The following FHIT variants were observed in gnomAD, a reference collection of about 807,000 sequenced individuals.
FHIT encodes the protein bis(5'-adenosyl)-triphosphatase.
In FHIT, 19 loss-of-function variants were observed where a neutral mutation model predicts 17.9. That is an observed-to-expected ratio of 1.06 (90% CI 0.74 to 1.56). FHIT has a LOEUF of 1.56. Among genes scored for constraint, FHIT ranks in the 40% most tolerant of loss-of-function variants. The pLI, the probability that FHIT is intolerant of heterozygous loss-of-function variation, is 0.00. For synonymous variants in FHIT, 81 were observed against 69.7 expected, an observed-to-expected ratio of 1.16 and a Z score of -0.81; for missense variants, 248 against 189.2, an observed-to-expected ratio of 1.31 and a Z score of -1.82.
chr3:60,439,974 T>C (rs1179190286), intron 5 of FHIT, among the ~76,000 whole-genome samples: 1 of 152,076 alleles, frequency 6.6e-6, no homozygotes, highest in Non-Finnish European at 1.5e-5. Flanking sequence ...TCTCACCATT[T>C]ACTGAGGTAC....
chr3:60,888,499 C>G (rs6772360), intron 3 of FHIT, among the ~76,000 whole-genome samples: 1 of 150,066 alleles, frequency 6.7e-6, no homozygotes, highest in Non-Finnish European at 1.5e-5. Context: ...AATTTTCTTT[C>G]TAAGAAAAAA....
chr3:60,495,246 T>A (rs1298913084), intron 5 of FHIT, among the ~76,000 whole-genome samples: 1 of 152,120 alleles, frequency 6.6e-6, no homozygotes. Flanking sequence ...CCTTTTCATA[T>A]GCCTGTTAGC....
chr3:59,813,369 G>T (rs560248710), intron 8 of FHIT, among the ~76,000 whole-genome samples: 2 of 152,264 alleles, frequency 1.3e-5, no homozygotes, highest in African/African-American at 2.4e-5. Context: ...TCTCGATAAG[G>T]TTCGCCTGAG....
chr3:60,644,955 G>A (rs1189415111), intron 4 of FHIT, among the ~76,000 whole-genome samples: 1 of 152,052 alleles, frequency 6.6e-6, no homozygotes, highest in Non-Finnish European at 1.5e-5. Flanking sequence ...TCTGGGCCTG[G>A]CAGATAGTTA....
chr3:60,405,618 C>T (rs1045775298), intron 5 of FHIT, among the ~76,000 whole-genome samples: 1 of 152,176 alleles, frequency 6.6e-6, no homozygotes, highest in African/African-American at 2.4e-5. Flanking sequence ...AGGTAGAGTG[C>T]CCCAAGAGAA....
intron 4 of FHIT, chr3:60,537,526 G>A: frequency 1.1e-6 from 1 of 905,512 alleles, no homozygotes; most frequent in Non-Finnish European, 1.3e-6. Flanking sequence ...CAAAATAAAG[G>A]AGAAAAAAAA....
chr3:60,919,514 G>A lies in FHIT; in HGVS notation c.-110-97503C>T, dbSNP rs150457833. 8.6e-5 allele frequency among the ~76,000 whole-genome samples: 13 copies of A among 151,984 alleles called. No individual in the cohort carries two copies. The East Asian group carries it at 2.5e-3, about 29-fold the overall frequency. ...GAAATGCTTAGAAAGTGTATTCATGGTGTGGAGAAACCAAGGATTAATGCA... is the reference window on the plus strand; with the variant it reads ...GAAATGCTTAGAAAGTGTATTCATGATGTGGAGAAACCAAGGATTAATGCA... On this transcript the variant is annotated intron_variant, in intron 3 of 9. Transcript: ENST00000492590.
intron 7 of FHIT, among the ~76,000 whole-genome samples, chr3:59,974,853 A>G (rs1708341159): frequency 6.6e-6 from 1 of 151,966 alleles, no homozygotes; most frequent in African/African-American, 2.4e-5. Context: ...TTCTACACCA[A>G]CTCCAGACCT....
chr3:61,051,491 T>C (rs1313190811), intron 2 of FHIT, among the ~76,000 whole-genome samples: 1 of 152,062 alleles, frequency 6.6e-6, no homozygotes, highest in East Asian at 1.9e-4. Context: ...TCAAGCCATC[T>C]GCTCACCTCA....
At chr3:60,964,388 T>A (rs1164553505) in intron 3 of FHIT, among the ~76,000 whole-genome samples, 1 of 152,172 alleles carries the variant, frequency 6.6e-6, no homozygotes, top group Non-Finnish European at 1.5e-5. Context: ...CTTTATCCAA[T>A]TTGCCAGTCT....
intron 4 of FHIT, among the ~76,000 whole-genome samples, chr3:60,718,427 T>C (rs2041736142): frequency 6.6e-6 from 1 of 152,166 alleles, no homozygotes; most frequent in African/African-American, 2.4e-5. Flanking sequence ...AACTCACCCC[T>C]TCCAGACAAC....
At chr3:60,660,521 T>C (rs956204813) in intron 4 of FHIT, among the ~76,000 whole-genome samples, 2 of 152,062 alleles carry the variant, frequency 1.3e-5, no homozygotes, top group Middle Eastern at 3.2e-3. Flanking sequence ...AGTTCTAAAA[T>C]AGTTACATCA....
At chr3:60,999,295 A>G (rs958689028) in intron 3 of FHIT, among the ~76,000 whole-genome samples, 1 of 152,068 alleles carries the variant, frequency 6.6e-6, no homozygotes, top group Non-Finnish European at 1.5e-5. Context: ...TTTCTGAAAC[A>G]ATAATCTACA....
intron 2 of FHIT, among the ~76,000 whole-genome samples, chr3:61,172,051 T>C (rs1236277481): frequency 6.6e-6 from 1 of 152,196 alleles, no homozygotes; most frequent in Non-Finnish European, 1.5e-5. Context: ...ACCTAAAGTT[T>C]CATGTCAATC....
chr3:59,862,079 A>C (rs1358183050), intron 8 of FHIT, among the ~76,000 whole-genome samples: 2 of 152,142 alleles, frequency 1.3e-5, no homozygotes, highest in East Asian at 3.9e-4. Context: ...GCAAAACTGT[A>C]CTAGTTCATT....
At chr3:60,269,322 T>A (rs1706749034) in intron 5 of FHIT, among the ~76,000 whole-genome samples, 1 of 152,172 alleles carries the variant, frequency 6.6e-6, no homozygotes, top group African/African-American at 2.4e-5. Context: ...ATCACTGGAG[T>A]TTTCCTGTCC....
intron 2 of FHIT, among the ~76,000 whole-genome samples, chr3:61,138,110 G>A (rs1210611066): frequency 8.6e-6 from 1 of 116,154 alleles, no homozygotes; most frequent in East Asian, 6.0e-4. Context: ...CACCTCATAG[G>A]AGTATTACAA....
chr3:60,732,124 A>C, intron 4 of FHIT: 1 of 715,140 alleles, frequency 1.4e-6, no homozygotes. Flanking sequence ...CTGGTGGTTA[A>C]GAGAAAACAC....
At chr3:60,592,304 T>C (rs1196883531) in intron 4 of FHIT, among the ~76,000 whole-genome samples, 1 of 150,126 alleles carries the variant, frequency 6.7e-6, no homozygotes, top group Non-Finnish European at 1.5e-5. Flanking sequence ...AGATACACCA[T>C]GATAATTTAC....
Sources: allele counts gnomAD v4.1 joint callset (sites outside exome capture counted in the v4.1 genomes callset), GRCh38; gene constraint gnomAD v4.1.1; transcripts MANE v1.5; gene names NCBI Gene and HGNC (gene_info 2026-07-23, HGNC 2026-07-21).